FRMPD4: variants seen among roughly 807,000 people sequenced by gnomAD.
The protein encoded by FRMPD4 is FERM and PDZ domain-containing protein 4.
Under a neutral mutation model 94.1 loss-of-function variants are expected in FRMPD4, and 22 were observed. The observed-to-expected ratio is 0.23, with a 90% confidence interval of 0.17 to 0.33. FRMPD4 has a LOEUF of 0.33. Among genes scored for constraint, FRMPD4 ranks in the 10% least tolerant of loss-of-function variants. The pLI is 1.00. For missense variants in FRMPD4, 1,111 were observed against 1,339.9 expected, an observed-to-expected ratio of 0.83 and a Z score of 2.67; for synonymous variants, 631 against 548.6, an observed-to-expected ratio of 1.15 and a Z score of -2.10.
intron 1 of FRMPD4, among the ~76,000 whole-genome samples, chrX:12,201,192 A>G (rs2056627573): frequency 8.9e-6 from 1 of 112,420 alleles, no homozygotes; most frequent in African/African-American, 3.2e-5. Flanking sequence ...GTTGTTTTCT[A>G]TGGATGGTAA....
intron 1 of FRMPD4, among the ~76,000 whole-genome samples, chrX:12,316,077 C>T (rs1466538123): frequency 8.9e-6 from 1 of 112,237 alleles, no homozygotes; most frequent in Admixed American, 9.4e-5. Flanking sequence ...GCATAGACCT[C>T]AAATGATACC....
intron 5 of FRMPD4, among the ~76,000 whole-genome samples, chrX:12,675,425 A>T (rs748337266): frequency 3.9e-4 from 12 of 30,414 alleles, no homozygotes; most frequent in East Asian, 3.0e-3. Flanking sequence ...CTTGTGATTT[A>T]AAAAAAAAAA....
intron 1 of FRMPD4, among the ~76,000 whole-genome samples, chrX:12,330,962 A>G (rs1273728715): frequency 9.0e-6 from 1 of 111,696 alleles, no homozygotes; most frequent in East Asian, 2.8e-4. Context: ...TTTTTTGTAA[A>G]GGGCCAGATA....
At chrX:12,511,136 T>C (rs1351949620) in intron 2 of FRMPD4, among the ~76,000 whole-genome samples, 2 of 111,705 alleles carry the variant, frequency 1.8e-5, no homozygotes, top group Non-Finnish European at 3.8e-5. Flanking sequence ...TCCGTGAAGA[T>C]TTTTCCCTGC....
rs1324009155 is a variant in FRMPD4, at chrX:12,053,452, AGAGAG to A, written c.95+175437_95+175441del. 1.6e-4 allele frequency among the ~76,000 whole-genome samples: 17 copies of A among 107,168 alleles called. 1 individual carries two copies. The highest frequency in any genetic ancestry group is 4.7e-3 in the Middle Eastern group (1 of 214). 93.1% of individuals were successfully genotyped at this position (107,168 alleles called of 115,157 possible). A position where few individuals can be genotyped will look rare whatever the true frequency, so the allele number is the denominator to read the frequency against. On this transcript the variant is annotated intron_variant, in intron 3 of 18. Coordinates refer to the FRMPD4 transcript ENST00000640291. ...AAAGAGAAAGAAAGAAGAGAAGAGA[AGAGAG>A]GAAAGGAAAGGAAAGGAGGAAGGAA... is the stretch of plus-strand genomic sequence containing the variant.
At chrX:12,270,709 T>G (rs1222094528) in intron 1 of FRMPD4, among the ~76,000 whole-genome samples, 1 of 111,776 alleles carries the variant, frequency 8.9e-6, no homozygotes, top group South Asian at 3.7e-4. Flanking sequence ...GTCAACACAT[T>G]TCTATCGTAT....
At chrX:11,892,001 T>C (rs2053876897) in intron 3 of FRMPD4, among the ~76,000 whole-genome samples, 1 of 112,448 alleles carries the variant, frequency 8.9e-6, no homozygotes, top group Non-Finnish European at 1.9e-5. Flanking sequence ...AGTCATTTTG[T>C]GCTTTATCAG....
At chrX:12,115,820 G>A (rs1424617468) in intron 3 of FRMPD4, among the ~76,000 whole-genome samples, 1 of 110,542 alleles carries the variant, frequency 9.0e-6, no homozygotes, top group Non-Finnish European at 1.9e-5. Context: ...TCACCTGGAC[G>A]ACTTAAATTC....
At chrX:12,704,809 C>T (rs1261190196) in intron 11 of FRMPD4, among the ~76,000 whole-genome samples, 1 of 112,228 alleles carries the variant, frequency 8.9e-6, no homozygotes, top group Non-Finnish European at 1.9e-5. Context: ...TTCTATGTTT[C>T]AATCATGCAA....
chrX:12,621,875 G>GGAAGGGAAGGGAAGT (rs1179884759), intron 4 of FRMPD4, among the ~76,000 whole-genome samples: 2 of 77,523 alleles, frequency 2.6e-5, no homozygotes, highest in African/African-American at 5.1e-5. Flanking sequence ...AAAAAGGAAA[G>GGAAGGGAAGGGAAGT]GAAGGGAAGG....
chrX:12,585,616 ACTT>A (rs1292257903), intron 2 of FRMPD4, among the ~76,000 whole-genome samples: 1 of 111,725 alleles, frequency 9.0e-6, no homozygotes, highest in Admixed American at 9.5e-5. Flanking sequence ...CCTCGCTTCT[ACTT>A]CTGTATACCT....
intron 1 of FRMPD4, among the ~76,000 whole-genome samples, chrX:12,173,883 C>T (rs2056260408): frequency 9.0e-6 from 1 of 110,958 alleles, no homozygotes; most frequent in Non-Finnish European, 1.9e-5. Context: ...AGGATGGCCC[C>T]GGAAGATAGC....
intron 1 of FRMPD4, among the ~76,000 whole-genome samples, chrX:12,454,755 T>C (rs1220721798): frequency 9.1e-6 from 1 of 109,861 alleles, no homozygotes; most frequent in Non-Finnish European, 1.9e-5. Context: ...CCTCGTTTTT[T>C]CAGAGACAAT....
intron 1 of FRMPD4, among the ~76,000 whole-genome samples, chrX:12,330,765 C>T (rs1186462926): frequency 9.0e-6 from 1 of 111,187 alleles, no homozygotes; most frequent in Non-Finnish European, 1.9e-5. Flanking sequence ...TTGACACCCT[C>T]GTGATGCTCC....
chrX:11,924,455 A>G (rs5935189), intron 3 of FRMPD4, among the ~76,000 whole-genome samples: 5 of 110,280 alleles, frequency 4.5e-5, no homozygotes, highest in African/African-American at 6.6e-5. Flanking sequence ...ACACATAATC[A>G]TCAGATTCTC....
intron 1 of FRMPD4, among the ~76,000 whole-genome samples, chrX:12,214,119 G>A (rs1305441883): frequency 9.0e-6 from 1 of 111,702 alleles, no homozygotes; most frequent in Non-Finnish European, 1.9e-5. Context: ...CATCAAGTTG[G>A]AAGTTAATTA....
At chrX:12,498,549 T>C (rs767884630) in intron 1 of FRMPD4, 131 bp from the exon 2 acceptor site, 18 of 533,216 alleles carry the variant, frequency 3.4e-5, no homozygotes, top group African/African-American at 2.3e-4. Flanking sequence ...AATGTGTCGA[T>C]TTTTGTTGCA....
intron 3 of FRMPD4, among the ~76,000 whole-genome samples, chrX:12,100,705 G>A (rs781353279): frequency 1.1e-4 from 12 of 111,540 alleles, no homozygotes; most frequent in African/African-American, 3.6e-4. Context: ...TGCTATTTTC[G>A]CTCTTTGTGC....
intron 3 of FRMPD4, among the ~76,000 whole-genome samples, chrX:12,011,283 G>A (rs189435365): frequency 1.8e-5 from 2 of 111,946 alleles, no homozygotes; most frequent in African/African-American, 3.2e-5. Context: ...AGAGTTGCAC[G>A]TAGGTTGGCC....
Sources: gnomAD v4.1 joint callset for allele counts (sites outside exome capture counted in the v4.1 genomes callset) on GRCh38, gnomAD v4.1.1 for gene constraint, MANE v1.5 for transcripts, NCBI Gene and HGNC (gene_info 2026-07-23, HGNC 2026-07-21) for gene names.